DOCK8: variants seen among roughly 807,000 people sequenced by gnomAD.
DOCK8 encodes dedicator of cytokinesis 8.
A neutral mutation model predicts 245.6 loss-of-function variants in DOCK8; 141 were observed. The observed-to-expected ratio is 0.57, with a 90% confidence interval of 0.50 to 0.66. DOCK8 has a LOEUF of 0.66. Among genes scored for constraint, DOCK8 ranks in the 30% least tolerant of loss-of-function variants. DOCK8 has a pLI of 0.00. For missense variants in DOCK8, 2,965 were observed against 2,603.4 expected (o/e 1.14, Z -3.02); for synonymous variants, 1,168 against 970.2 (o/e 1.20, Z -3.79).
chr9:398,069 G>A (rs1427189298), intron 25 of DOCK8, among the ~76,000 whole-genome samples: 1 of 152,224 alleles, frequency 6.6e-6, no homozygotes, highest in Non-Finnish European at 1.5e-5. Flanking sequence ...AAGTGCTCAG[G>A]AGATTTTCAT....
intron 15 of DOCK8, 79 bp downstream of exon 15, chr9:368,214 T>G (rs768392125): frequency 8.3e-7 from 1 of 1,206,116 alleles, no homozygotes; most frequent in Non-Finnish European, 1.2e-6. Context: ...CCGGGACTCA[T>G]CAGTGTACAA....
In DOCK8 at chr9:400,947, T is replaced by TCACCACCACCACCACCAGCTCCAC. The variant is rs1554692446; in HGVS notation, c.3234+1705_3234+1706insGCTCCACCACCACCACCACCACCA. ...ATCACCACAACATCCACCACCACCA[T>TCACCACCACCACCACCAGCTCCAC]CACCACCACCACCACCACCTCCTCC... On this transcript the variant is annotated intron_variant, in intron 26 of 47. Transcript: ENST00000432829. 6.5e-3 allele frequency among the ~76,000 whole-genome samples: 186 copies of TCACCACCACCACCACCAGCTCCAC among 28,438 alleles called. 4 individuals carry two copies. The highest frequency in any genetic ancestry group is 7.8e-3 in the Non-Finnish European group (149 of 19,078). The allele number at this position is 28,438 out of a possible 152,430, so 18.7% of individuals were successfully genotyped here. A position where few individuals can be genotyped will look rare whatever the true frequency, so the allele number is the denominator to read the frequency against.
chr9:340,260 C>G lies in DOCK8; in HGVS notation c.1618C>G (p.Pro540Ala). The change falls in exon 14 of 48, where the codon CCG (proline) becomes GCG (alanine). Residue 540 changes from proline (P) to alanine (A), a missense_variant. Physicochemically the swap from Pro to Ala is conservative, Grantham distance 27 (BLOSUM62 -1). Transcript: ENST00000432829. ...VKPFPENRTR[P>A]HKEILEFPTR... is the part of the protein sequence containing the mutation. Reference sequence around the variant, plus strand: ...ACCCTTTCCTGAAAACCGGACACGCCCGCACAAAGAGATTTTGGAATTTCC... The same window carrying G: ...ACCCTTTCCTGAAAACCGGACACGCGCGCACAAAGAGATTTTGGAATTTCC... 1.2e-6 allele frequency: 2 copies of G among 1,614,140 alleles called. No homozygotes were observed. The highest frequency in any genetic ancestry group is 2.7e-5 in the African/African-American group (2 of 75,018).
intron 39 of DOCK8, among the ~76,000 whole-genome samples, chr9:438,543 G>A (rs530021655): frequency 1.6e-4 from 24 of 152,300 alleles, no homozygotes; most frequent in African/African-American, 5.8e-4. Context: ...AGGGTCGAGC[G>A]GGTACAAGAT....
At chr9:413,973 C>G (rs1477577341) in intron 28 of DOCK8, among the ~76,000 whole-genome samples, 1 of 152,246 alleles carries the variant, frequency 6.6e-6, no homozygotes, top group Non-Finnish European at 1.5e-5. Context: ...GAAACCCTGT[C>G]TCTACTAAAA....
intron 14 of DOCK8, among the ~76,000 whole-genome samples, chr9:345,759 AT>A (rs2051852552): frequency 6.6e-6 from 1 of 151,990 alleles, no homozygotes; most frequent in Non-Finnish European, 1.5e-5. Context: ...TTCGAGTTGC[AT>A]TCTAGTGTAT....
chr9:317,944 A>G (rs1586687275), intron 7 of DOCK8, among the ~76,000 whole-genome samples: 1 of 149,876 alleles, frequency 6.7e-6, no homozygotes, highest in South Asian at 2.1e-4. Flanking sequence ...AAGTAGTTGC[A>G]TCCAAACGTT....
chr9:340,977 G>A (rs2051559417), intron 14 of DOCK8, among the ~76,000 whole-genome samples: 1 of 152,202 alleles, frequency 6.6e-6, no homozygotes, highest in African/African-American at 2.4e-5. Context: ...TGTGCTAGTT[G>A]TCAAAAGGAC....
chr9:294,241 A>G (rs2049164749), intron 4 of DOCK8, among the ~76,000 whole-genome samples: 1 of 152,240 alleles, frequency 6.6e-6, no homozygotes, highest in African/African-American at 2.4e-5. Flanking sequence ...ATTGCAAATA[A>G]TACTGAAACA....
intron 1 of DOCK8, among the ~76,000 whole-genome samples, chr9:232,025 T>C (rs569966043): frequency 1.3e-5 from 2 of 152,318 alleles, no homozygotes; most frequent in Non-Finnish European, 2.9e-5. Flanking sequence ...TGATATTGGC[T>C]GTGGGTTTGT....
chr9:243,728 G>A (rs2047433459), intron 1 of DOCK8, among the ~76,000 whole-genome samples: 2 of 152,048 alleles, frequency 1.3e-5, no homozygotes, highest in Admixed American at 6.6e-5. Context: ...GTATCTCACT[G>A]TCTGAATCTA....
intron 1 of DOCK8, among the ~76,000 whole-genome samples, chr9:216,705 A>G (rs2046763747): frequency 6.6e-6 from 1 of 152,056 alleles, no homozygotes; most frequent in South Asian, 2.1e-4. Flanking sequence ...ATTATTTGCT[A>G]TAGCTCCTGA....
Position 336,638 on chromosome 9 carries a change from A to G in DOCK8, c.1342A>G (p.Arg448Gly). The G allele has an allele frequency of 6.2e-7, 1 of 1,614,194 alleles. No individual in the cohort carries two copies. The highest frequency in any genetic ancestry group is 1.7e-5 in the Admixed American group (1 of 60,022). The change falls in exon 12 of 48, where the codon AGA becomes GGA. Residue 448 changes from arginine to glycine, a missense_variant. Transcript: ENST00000432829. ...GGCCCAATCTAGAAGGCTTTCTGAA[A>G]GAGCCCTCTCCTTGGAGGAAAATGG... ...TLAQSRRLSE[R>G]ALSLEENGVG...
chr9:270,088 A>G (rs1048485305), intron 1 of DOCK8, among the ~76,000 whole-genome samples: 2 of 152,060 alleles, frequency 1.3e-5, no homozygotes, highest in South Asian at 2.1e-4. Flanking sequence ...TGAAATGGCA[A>G]CTCATTGTGA....
At chr9:332,186 T>G (rs1443854670) in intron 9 of DOCK8, among the ~76,000 whole-genome samples, 1 of 152,198 alleles carries the variant, frequency 6.6e-6, no homozygotes, top group Non-Finnish European at 1.5e-5. Context: ...ATTTGCTGAG[T>G]ATCTACTGTC....
Position 290,672 on chromosome 9 carries a change from G to A in DOCK8, c.404+1091G>A, listed in dbSNP as rs932166452. ...ATTCTCAGCCTGCATGGGTGTACCT[G>A]TTGGGGAGTGAGATGTGGACTCTCT... On this transcript the variant is annotated intron_variant, in intron 4 of 47. Coordinates refer to ENST00000432829, the MANE Select transcript of DOCK8 (RefSeq NM_203447.4). 3.3e-5 allele frequency among the ~76,000 whole-genome samples: 5 copies of A among 152,168 alleles called. No individual in the cohort carries two copies. In the East Asian group the frequency reaches 9.6e-4, roughly 29 times the overall value.
At chr9:435,404 G>A (rs2056864812) in intron 39 of DOCK8, among the ~76,000 whole-genome samples, 1 of 152,224 alleles carries the variant, frequency 6.6e-6, no homozygotes, top group African/African-American at 2.4e-5. Context: ...GAGGCAGGTA[G>A]GTAGGGAAGG....
intron 4 of DOCK8, among the ~76,000 whole-genome samples, chr9:301,812 G>GA (rs2049557268): frequency 6.6e-6 from 1 of 152,164 alleles, no homozygotes; most frequent in African/African-American, 2.4e-5. Flanking sequence ...TCTCTACAAT[G>GA]AGAATTATGA....
chr9:304,740 T>C lies in DOCK8; in HGVS notation c.528+36T>C, dbSNP rs560474909. 3 of 1,613,994 alleles carry C rather than the reference T, an allele frequency of 1.9e-6. No individual in the cohort carries two copies. In the East Asian group the frequency reaches 6.7e-5, roughly 36 times the overall value. ...TCAACAAACATGGTTACCAGGTTACTGGGCTCTTCTGCCCAGGGCATGCTG... is the reference window on the plus strand; with the variant it reads ...TCAACAAACATGGTTACCAGGTTACCGGGCTCTTCTGCCCAGGGCATGCTG... On this transcript the variant is annotated intron_variant, in intron 5 of 47. Coordinates refer to ENST00000432829, the MANE Select transcript of DOCK8 (RefSeq NM_203447.4).
Sources: allele counts gnomAD v4.1 joint callset (sites outside exome capture counted in the v4.1 genomes callset), GRCh38; gene constraint gnomAD v4.1.1; transcripts MANE v1.5; gene names NCBI Gene and HGNC (gene_info 2026-07-23, HGNC 2026-07-21).